PPM1E: variants seen among roughly 807,000 people sequenced by gnomAD.
The protein encoded by PPM1E is protein phosphatase 1E.
In PPM1E, 20 loss-of-function variants were observed where a neutral mutation model predicts 65.9. The ratio of observed to expected loss-of-function variants is 0.30; its 90% confidence interval spans 0.21 to 0.44. The LOEUF (loss-of-function observed/expected upper bound fraction) is 0.44. Among genes scored for constraint, PPM1E ranks in the 20% least tolerant of loss-of-function variants. The pLI is 1.00. For synonymous variants in PPM1E, 352 were observed against 374.9 expected, an observed-to-expected ratio of 0.94 and a Z score of 0.70; for missense variants, 713 against 953.1, an observed-to-expected ratio of 0.75 and a Z score of 3.32.
intron 5 of PPM1E, 78 bp from the exon 6 acceptor site, chr17:58,972,754 A>T: frequency 7.9e-7 from 1 of 1,269,044 alleles, no homozygotes; most frequent in Non-Finnish European, 1.2e-6. Flanking sequence ...TGAGTATTAT[A>T]TCTGTTGTTT....
chr17:58,867,850 G>A (rs1356448356), intron 1 of PPM1E, among the ~76,000 whole-genome samples: 4 of 152,084 alleles, frequency 2.6e-5, no homozygotes, highest in Admixed American at 2.6e-4. Context: ...GGGGGCTGAG[G>A]GAACTAAGAG....
chr17:58,766,162 G>A (rs1598556826), intron 1 of PPM1E, among the ~76,000 whole-genome samples: 1 of 147,520 alleles, frequency 6.8e-6, no homozygotes, highest in East Asian at 2.0e-4. Context: ...TTACAGGTGT[G>A]AGCCACTGCA....
At chr17:58,798,225 TG>T (rs2050223731) in intron 1 of PPM1E, among the ~76,000 whole-genome samples, 1 of 139,420 alleles carries the variant, frequency 7.2e-6, no homozygotes, top group Non-Finnish European at 1.5e-5. Context: ...TTACGTTTTT[TG>T]TTTGTTTTTT....
intron 1 of PPM1E, among the ~76,000 whole-genome samples, chr17:58,792,049 C>T (rs998507825): frequency 5.3e-5 from 8 of 151,794 alleles, no homozygotes; most frequent in Admixed American, 5.3e-4. Flanking sequence ...ATGTGTTTCT[C>T]CCATTTTCTA....
intron 1 of PPM1E, among the ~76,000 whole-genome samples, chr17:58,854,708 A>AT (rs1463720849): frequency 3.3e-5 from 5 of 151,528 alleles, no homozygotes; most frequent in African/African-American, 9.7e-5. Context: ...ACATTGTTTG[A>AT]TTTTTCATGT....
At chr17:58,809,723 C>T (rs529405109) in intron 1 of PPM1E, among the ~76,000 whole-genome samples, 23 of 152,210 alleles carry the variant, frequency 1.5e-4, no homozygotes, top group African/African-American at 5.1e-4. Context: ...TTGAAGAAAC[C>T]AGATCATTTG....
chr17:58,866,029 T>C (rs1470001293), intron 1 of PPM1E, among the ~76,000 whole-genome samples: 1 of 152,242 alleles, frequency 6.6e-6, no homozygotes, highest in African/African-American at 2.4e-5. Context: ...ATCATATTTC[T>C]TGTGGTTTAG....
At chr17:58,790,736 A>G (rs1292580754) in intron 1 of PPM1E, among the ~76,000 whole-genome samples, 2 of 152,126 alleles carry the variant, frequency 1.3e-5, no homozygotes, top group African/African-American at 4.8e-5. Context: ...CAATGGCCAG[A>G]ATCAACTGGT....
intron 1 of PPM1E, among the ~76,000 whole-genome samples, chr17:58,775,710 CAA>C (rs923843899): frequency 1.9e-4 from 28 of 150,100 alleles, no homozygotes; most frequent in African/African-American, 6.8e-4. Context: ...GTCAGGAGAT[CAA>C]GACCATCCTG....
chr17:58,803,695 CA>C (rs905245335), intron 1 of PPM1E, among the ~76,000 whole-genome samples: 5 of 152,160 alleles, frequency 3.3e-5, no homozygotes, highest in Admixed American at 1.3e-4. Context: ...CATTTTCAGT[CA>C]GAACCACTGT....
chr17:58,833,086 A>G (rs2050620883), intron 1 of PPM1E, among the ~76,000 whole-genome samples: 1 of 151,944 alleles, frequency 6.6e-6, no homozygotes, highest in South Asian at 2.1e-4. Context: ...TCAGCCTCAC[A>G]AGATTTCACA....
intron 1 of PPM1E, among the ~76,000 whole-genome samples, chr17:58,779,827 C>CT (rs1598565900): frequency 1.3e-5 from 2 of 152,084 alleles, no homozygotes; most frequent in East Asian, 3.9e-4. Flanking sequence ...TCTTTACACA[C>CT]TTTTTTTTCC....
At chr17:58,860,655 C>T (rs4132925) in intron 1 of PPM1E, among the ~76,000 whole-genome samples, 1 of 152,106 alleles carries the variant, frequency 6.6e-6, no homozygotes, top group Admixed American at 6.5e-5. Context: ...CTAACATACT[C>T]GCTTTAGGCC....
At chr17:58,809,347 C>A (rs1262138045) in intron 1 of PPM1E, among the ~76,000 whole-genome samples, 1 of 152,086 alleles carries the variant, frequency 6.6e-6, no homozygotes, top group Non-Finnish European at 1.5e-5. Context: ...CCTTAGCCTC[C>A]CAAAGTGTTG....
At chr17:58,896,410 C>A (rs996408251) in intron 1 of PPM1E, among the ~76,000 whole-genome samples, 2 of 151,866 alleles carry the variant, frequency 1.3e-5, no homozygotes, top group Non-Finnish European at 2.9e-5. Context: ...TATGGTAAAA[C>A]CCCGTCTCTA....
intron 1 of PPM1E, among the ~76,000 whole-genome samples, chr17:58,864,868 G>C (rs140987948): frequency 1.3e-5 from 2 of 151,854 alleles, no homozygotes; most frequent in African/African-American, 4.8e-5. Flanking sequence ...CTCGGGAGGC[G>C]GAGGTTGCAG....
chr17:58,829,598 C>T (rs2050578039), intron 1 of PPM1E, among the ~76,000 whole-genome samples: 1 of 152,104 alleles, frequency 6.6e-6, no homozygotes, highest in South Asian at 2.1e-4. Context: ...AGCTGACATT[C>T]TGGAGCTCTA....
chr17:58,958,742 T>G (rs966524338), intron 2 of PPM1E, among the ~76,000 whole-genome samples: 20 of 151,848 alleles, frequency 1.3e-4, no homozygotes, highest in African/African-American at 4.8e-4. Flanking sequence ...CATTTTCAAA[T>G]GCAAAGGCAG....
intron 1 of PPM1E, among the ~76,000 whole-genome samples, chr17:58,853,870 A>G (rs1341212434): frequency 6.6e-6 from 1 of 152,058 alleles, no homozygotes; most frequent in South Asian, 2.1e-4. Flanking sequence ...ATCCTCCAGC[A>G]TTGTTTTTCC....
Sources: allele counts gnomAD v4.1 joint callset (sites outside exome capture counted in the v4.1 genomes callset), GRCh38; gene constraint gnomAD v4.1.1; transcripts MANE v1.5; gene names NCBI Gene and HGNC (gene_info 2026-07-23, HGNC 2026-07-21).